CRLF1: variants seen among roughly 807,000 people sequenced by gnomAD.
CRLF1 encodes cytokine receptor like factor 1, also known as cytokine receptor-like factor 1.
A neutral mutation model predicts 48.9 loss-of-function variants in CRLF1; 36 were observed. The observed-to-expected ratio is 0.74, with a 90% CI of 0.56 to 0.97. CRLF1 has a LOEUF of 0.97. Among genes scored for constraint, CRLF1 ranks in the 50% least tolerant of loss-of-function variants. The probability of loss-of-function intolerance (pLI) is 0.00; values close to 1 mark genes in which losing one functional copy is unlikely to be tolerated. For missense variants in CRLF1, 534 were observed against 575.1 expected, an observed-to-expected ratio of 0.93 and a Z score of 0.73; for synonymous variants, 256 against 253.4, an observed-to-expected ratio of 1.01 and a Z score of -0.10.
At chr19:18,595,648 T>G (rs138874054) in intron 6 of CRLF1, among the ~76,000 whole-genome samples, 282 of 152,334 alleles carry the variant, frequency 1.9e-3, no homozygotes, top group African/African-American at 5.4e-3. Context: ...TTGCCACAAA[T>G]TATGTCATCC....
chr19:18,604,234 G>A (rs112926270), intron 1 of CRLF1, among the ~76,000 whole-genome samples: 3,061 of 152,286 alleles, frequency 0.02, 119 homozygotes, highest in African/African-American at 0.07. Context: ...TCACTTGCCA[G>A]CAGCTGCAGC....
At chr19:18,593,763 C>G in intron 8 of CRLF1, 184 bp from the exon 9 acceptor site, 1 of 985,128 alleles carries the variant, frequency 1.0e-6, no homozygotes. Context: ...GCACTTGGCG[C>G]GGAGCCAGTA....
At chr19:18,598,372 G>T in intron 4 of CRLF1, 60 bp downstream of exon 4, 3 of 1,558,526 alleles carry the variant, frequency 1.9e-6, no homozygotes, top group Non-Finnish European at 1.7e-6. Flanking sequence ...GGACCCCTCG[G>T]GATGCTCGGT....
intron 8 of CRLF1, 36 bp downstream of exon 8, chr19:18,594,029 T>TTCTTGG: frequency 2.0e-5 from 27 of 1,366,578 alleles, no homozygotes; most frequent in Middle Eastern, 2.4e-4. Context: ...GCCCTCCCCT[T>TTCTTGG]GCTCCCTCCC....
chr19:18,594,161 A>G (rs574557173), intron 7 of CRLF1, 54 bp from the exon 8 acceptor site: 1 of 1,593,810 alleles, frequency 6.3e-7, no homozygotes, highest in Non-Finnish European at 8.5e-7. Flanking sequence ...CTGCGTCCAC[A>G]GCCTGCTGTC....
chr19:18,603,897 C>T (rs993395253), intron 1 of CRLF1, among the ~76,000 whole-genome samples: 6 of 3,092 alleles, frequency 1.9e-3, no homozygotes, highest in Admixed American at 4.1e-3. Flanking sequence ...CCGAGGGGGG[C>T]GGGGGGCTGG....
rs763686070 is a variant in CRLF1, at chr19:18,594,414, C to G, written c.1045G>C (p.Gly349Arg). The G allele has an allele frequency of 2.6e-6, 4 of 1,529,970 alleles. No individual in the cohort carries two copies. Among genetic ancestry groups the G allele is most frequent in the South Asian group, 1.2e-5 (1 of 82,904 alleles). The allele number at this position is 1,529,970 out of a possible 1,614,324, so 94.8% of individuals were successfully genotyped here. ...TCTCCGCCCCGCGGTTCGCACGCCC[C>G]GCCGCCCGGGCCCGGGCGCTCTGGT... ...PRSERPGPGGGACEPRGGEPS... is the reference protein window; with the variant it reads ...PRSERPGPGGRACEPRGGEPS... The change falls in exon 7 of 9, where the codon GGG (glycine) becomes CGG (arginine). Residue 349 changes from glycine (G) to arginine (R), a missense_variant. Gly to Arg is a moderately radical substitution (Grantham distance 125). Coordinates refer to ENST00000392386, the MANE Select transcript of CRLF1 (RefSeq NM_004750.5).
chr19:18,594,956 C>T (rs1976111685), intron 6 of CRLF1, among the ~76,000 whole-genome samples: 1 of 152,040 alleles, frequency 6.6e-6, no homozygotes, highest in Admixed American at 6.5e-5. Context: ...GAGATCGAGA[C>T]AGAGACACAG....
intron 4 of CRLF1, 111 bp from the exon 5 acceptor site, chr19:18,597,160 C>A: frequency 1.7e-6 from 2 of 1,182,124 alleles, no homozygotes; most frequent in South Asian, 3.0e-5. Context: ...TGTTTTCCTC[C>A]TCTTCCCTCT....
intron 3 of CRLF1, 56 bp downstream of exon 3, chr19:18,598,716 G>T (rs1442566394): frequency 2.5e-5 from 41 of 1,613,836 alleles, no homozygotes; most frequent in Non-Finnish European, 3.3e-5. Flanking sequence ...GTCCGCGTTG[G>T]TCAAGGTCAC....
Position 18,606,049 on chromosome 19 carries a change from C to G in CRLF1, c.115+493G>C, listed in dbSNP as rs1030255187. Among the ~76,000 whole-genome samples the G allele has an allele frequency of 5.3e-5, 8 of 151,680 alleles. No homozygotes were observed. The highest frequency in any genetic ancestry group is 1.2e-4 in the Non-Finnish European group (8 of 67,820). On this transcript the variant is annotated intron_variant, in intron 1 of 8. Transcript: ENST00000392386. This position sits in a 1 kb window ranked among gnomAD's most constrained non-coding sequence, Gnocchi z 4.8. ...GTGGAGACACAAGTCCCCCGGGACC[C>G]CGGGCTGCGCGCCAGGCGGCCAGAG...
At position 18,594,374 on chromosome 19, in the gene CRLF1, G is replaced by T. The variant is rs1231785229; in HGVS notation, c.1085C>A (p.Pro362Gln). 11 of 1,605,806 alleles carry T rather than the reference G, an allele frequency of 6.9e-6. No individual in the cohort carries two copies. Among genetic ancestry groups the T allele is most frequent in the Non-Finnish European group, 9.4e-6 (11 of 1,176,306 alleles). The change falls in exon 7 of 9, where the codon CCG (proline) becomes CAG (glutamine). Residue 362 changes from proline (P) to glutamine (Q), a missense_variant. Physicochemically the swap from Pro to Gln is moderately conservative, Grantham distance 76. This residue lies in a region of CRLF1 where 528 missense variants were observed against 555.7 expected (regional missense o/e 0.95). Transcript: ENST00000392386. ...EPRGGEPSSG[P>Q]VRRELKQFLG... ...GAACTGCTTGAGCTCGCGCCGCACC[G>T]GCCCCGAGCTCGGCTCTCCGCCCCG...
intron 5 of CRLF1, 46 bp from the exon 6 acceptor site, chr19:18,596,836 G>T: frequency 6.2e-7 from 1 of 1,613,030 alleles, no homozygotes; most frequent in Non-Finnish European, 8.5e-7. Context: ...GGCCTAGCAG[G>T]AGCGGGGGCG....
rs1225870841 is a variant in CRLF1, at chr19:18,606,002, G to A, written c.115+540C>T. On this transcript the variant is annotated intron_variant, in intron 1 of 8. Transcript: ENST00000392386. This position sits in a 1 kb window ranked among gnomAD's most constrained non-coding sequence, Gnocchi z 4.8. ...ACCCCCGTGCGCCGGGTCCCGCAGG[G>A]GGAGGGCGGTGGCGCCGGCCCGTGG... 6.6e-6 allele frequency among the ~76,000 whole-genome samples: 1 copy of A among 152,022 alleles called. No homozygotes were observed. The highest frequency in any genetic ancestry group is 6.5e-5 in the Admixed American group (1 of 15,282).
intron 1 of CRLF1, among the ~76,000 whole-genome samples, chr19:18,605,991 G>C (rs926006227): frequency 3.9e-5 from 6 of 152,028 alleles, no homozygotes; most frequent in African/African-American, 1.2e-4. Context: ...CCGTGCGCCG[G>C]GTCCCGCAGG....
intron 1 of CRLF1, among the ~76,000 whole-genome samples, chr19:18,601,418 A>C (rs1976219983): frequency 6.6e-6 from 1 of 152,140 alleles, no homozygotes; most frequent in South Asian, 2.1e-4. Context: ...CTGGGATTAC[A>C]GGCACACATC....
intron 4 of CRLF1, among the ~76,000 whole-genome samples, chr19:18,597,429 C>CTTTTTTTTTT (rs1332128835): frequency 8.3e-5 from 6 of 72,522 alleles, no homozygotes; most frequent in African/African-American, 5.6e-4. Context: ...CTCCCTTCCA[C>CTTTTTTTTTT]TCTTTTTTTT....
In CRLF1 at chr19:18,593,424, T is replaced by C. The variant is rs747964653; in HGVS notation, c.*142A>G. On this transcript the variant is annotated 3_prime_UTR_variant, in exon 9 of 9. Transcript: ENST00000392386. ...CCTCACGTGGGAGTCAGAGCTGTTA[T>C]GGCCGTTGGAGCTCAGGGGCCACCC... 231 of 1,183,432 alleles carry C rather than the reference T, an allele frequency of 2.0e-4. No homozygotes were observed. Among genetic ancestry groups the C allele is most frequent in the Non-Finnish European group, 2.4e-4 (199 of 831,382 alleles). 73.3% of individuals were successfully genotyped at this position (1,183,432 alleles called of 1,614,324 possible). A position where few individuals can be genotyped will look rare whatever the true frequency, so the allele number is the denominator to read the frequency against.
intron 7 of CRLF1, 53 bp from the exon 8 acceptor site, chr19:18,594,160 C>T: frequency 1.3e-6 from 2 of 1,593,708 alleles, no homozygotes; most frequent in Non-Finnish European, 8.5e-7. Flanking sequence ...CCTGCGTCCA[C>T]AGCCTGCTGT....
Sources: allele counts gnomAD v4.1 joint callset (sites outside exome capture counted in the v4.1 genomes callset), GRCh38; gene constraint gnomAD v4.1.1; regional missense constraint gnomAD v4.1.1; non-coding constraint Gnocchi (gnomAD v3.1); transcripts MANE v1.5; gene names NCBI Gene and HGNC (gene_info 2026-07-23, HGNC 2026-07-21).